The following CFAP47 variants were observed in gnomAD, a reference collection of about 807,000 sequenced individuals.
CFAP47 encodes the protein cilia- and flagella-associated protein 47.
CFAP47 carries 29 observed loss-of-function variants against 148.1 expected under a neutral mutation model. That is an observed-to-expected ratio of 0.20 (90% CI 0.15 to 0.27). The LOEUF is 0.27. Among genes scored for constraint, CFAP47 ranks in the 10% least tolerant of loss-of-function variants. CFAP47 has a pLI of 1.00. For missense variants in CFAP47, 1,872 were observed against 1,697.5 expected (o/e 1.10, Z -1.81); for synonymous variants, 664 against 577.3 (o/e 1.15, Z -2.15).
At chrX:35,979,224 C>G (rs958788207) in intron 15 of CFAP47, among the ~76,000 whole-genome samples, 3 of 111,063 alleles carry the variant, frequency 2.7e-5, no homozygotes, top group Non-Finnish European at 5.6e-5. Flanking sequence ...GGTGATCCGC[C>G]TGCCTCGGCC....
At chrX:36,089,095 C>T (rs1321664379) in intron 30 of CFAP47, among the ~76,000 whole-genome samples, 1 of 111,828 alleles carries the variant, frequency 8.9e-6, no homozygotes, top group Non-Finnish European at 1.9e-5. Context: ...GGGCTGGGTG[C>T]GGTGGCTCAC....
chrX:36,004,738 G>A (rs749478870), intron 21 of CFAP47, among the ~76,000 whole-genome samples: 1 of 110,198 alleles, frequency 9.1e-6, no homozygotes, highest in Non-Finnish European at 1.9e-5. Context: ...GTTACCTGGA[G>A]TTAGGCAAAT....
chrX:36,228,531 A>G, intron 45 of CFAP47, 97 bp from the exon 46 acceptor site: 1 of 471,169 alleles, frequency 2.1e-6, no homozygotes, highest in Non-Finnish European at 3.8e-6. Context: ...TAGGTTATGC[A>G]GTACAATTTA....
At chrX:36,098,063 T>C (rs1044158533) in intron 30 of CFAP47, among the ~76,000 whole-genome samples, 2 of 111,965 alleles carry the variant, frequency 1.8e-5, no homozygotes, top group African/African-American at 6.5e-5. Flanking sequence ...GCTCACTTTT[T>C]CTTCTGCTTA....
chrX:36,353,619 A>G lies in CFAP47; in HGVS notation c.8789A>G (p.Asp2930Gly), dbSNP rs1224346782. ...TTTTTCGGATTTAGTCTTACTCCAG[A>G]TCTGACAGAAGTTTTAGTGATTCCA... ...AGFFGFSLTP[D>G]LTEVLVIPKR... Residue 2930 changes from aspartate (D) to glycine (G), a missense_variant, in exon 60 of 64, where the codon GAT (aspartate) becomes GGT (glycine). Transcript: ENST00000378653. 6 of 1,161,559 alleles carry G rather than the reference A, an allele frequency of 5.2e-6. No homozygotes were observed. The highest frequency in any genetic ancestry group is 6.9e-6 in the Non-Finnish European group (6 of 869,261).
intron 56 of CFAP47, among the ~76,000 whole-genome samples, chrX:36,318,414 G>A (rs1941453566): frequency 9.0e-6 from 1 of 111,687 alleles, no homozygotes; most frequent in South Asian, 3.7e-4. Context: ...ATAGGGGATA[G>A]ATTTCAGAAC....
At chrX:36,244,125 C>G (rs1940585477) in intron 48 of CFAP47, among the ~76,000 whole-genome samples, 1 of 110,596 alleles carries the variant, frequency 9.0e-6, no homozygotes, top group Non-Finnish European at 1.9e-5. Context: ...ATAACTTGCG[C>G]CTGAGTAACT....
At chrX:36,339,125 G>C (rs1314811164) in intron 57 of CFAP47, among the ~76,000 whole-genome samples, 2 of 112,098 alleles carry the variant, frequency 1.8e-5, no homozygotes, top group African/African-American at 6.5e-5. Context: ...AAATAATGTA[G>C]AATAAAAAGC....
chrX:35,945,365 T>A (rs1936070091), intron 3 of CFAP47, among the ~76,000 whole-genome samples: 1 of 111,475 alleles, frequency 9.0e-6, no homozygotes, highest in African/African-American at 3.3e-5. Flanking sequence ...TTTCCTAAGG[T>A]TTGCCACAGA....
intron 40 of CFAP47, among the ~76,000 whole-genome samples, chrX:36,186,010 A>G (rs73472867): frequency 0.024 from 2,737 of 111,753 alleles, 92 homozygotes; most frequent in African/African-American, 0.084. Context: ...CATGGCACAA[A>G]GGAAATGAAT....
intron 48 of CFAP47, among the ~76,000 whole-genome samples, chrX:36,249,445 T>G (rs1940664099): frequency 9.2e-6 from 1 of 109,172 alleles, no homozygotes; most frequent in South Asian, 3.8e-4. Flanking sequence ...ATATATAGAG[T>G]TACAAAAACT....
chrX:36,024,579 T>G (rs1937194582), intron 22 of CFAP47, among the ~76,000 whole-genome samples: 1 of 111,465 alleles, frequency 9.0e-6, no homozygotes, highest in Admixed American at 9.6e-5. Flanking sequence ...TCCACAGCAC[T>G]TTATTTTGAG....
chrX:36,160,593 T>C (rs1285268791), intron 38 of CFAP47, 88 bp from the exon 39 acceptor site: 5 of 273,779 alleles, frequency 1.8e-5, no homozygotes, highest in Non-Finnish European at 1.9e-5. Flanking sequence ...AAATGGACGG[T>C]TTATAGATTT....
chrX:36,241,729 G>C (rs377565557), intron 48 of CFAP47, among the ~76,000 whole-genome samples: 44 of 112,068 alleles, frequency 3.9e-4, no homozygotes, highest in African/African-American at 1.4e-3. Context: ...AGAACAGTGA[G>C]ACACATTAGT....
intron 13 of CFAP47, among the ~76,000 whole-genome samples, chrX:35,972,949 T>A: frequency 8.9e-6 from 1 of 111,751 alleles, no homozygotes; most frequent in East Asian, 2.8e-4. Context: ...AAAGTTGTAA[T>A]CCTATCAGCA....
intron 46 of CFAP47, among the ~76,000 whole-genome samples, chrX:36,231,644 A>T (rs1462625565): frequency 6.3e-5 from 7 of 110,956 alleles, no homozygotes; most frequent in African/African-American, 2.3e-4. Context: ...AACTTCCATC[A>T]CTATGTTGAA....
chrX:35,997,701 C>T, intron 19 of CFAP47, among the ~76,000 whole-genome samples: 1 of 110,882 alleles, frequency 9.0e-6, no homozygotes. Context: ...AAAATGACAC[C>T]ACATAAATAT....
intron 59 of CFAP47, among the ~76,000 whole-genome samples, chrX:36,352,394 A>C (rs1556017641): frequency 9.0e-6 from 1 of 111,114 alleles, no homozygotes; most frequent in Non-Finnish European, 1.9e-5. Context: ...GTTCAATATA[A>C]ATTTTTAAAT....
chrX:36,276,859 T>C (rs1467797564), intron 49 of CFAP47, among the ~76,000 whole-genome samples: 1 of 112,009 alleles, frequency 8.9e-6, no homozygotes, highest in Non-Finnish European at 1.9e-5. Flanking sequence ...TTATTAAATA[T>C]AGGATGGTGA....
Sources: allele counts gnomAD v4.1 joint callset (sites outside exome capture counted in the v4.1 genomes callset), GRCh38; gene constraint gnomAD v4.1.1; transcripts MANE v1.5; gene names NCBI Gene and HGNC (gene_info 2026-07-23, HGNC 2026-07-21).